Variants in EFEMP1 observed in about 807,000 individuals in gnomAD.
EFEMP1 encodes the protein EGF-like fibulin extracellular matrix protein 1.
A neutral mutation model predicts 65.7 loss-of-function variants in EFEMP1; 18 were observed. The observed-to-expected ratio is 0.27, with a 90% CI of 0.19 to 0.41. The LOEUF is 0.41. Ranked by LOEUF, EFEMP1 falls within the 10% of genes least tolerant of loss-of-function variation. The pLI is 1.00. For missense variants in EFEMP1, 469 were observed against 624.8 expected (o/e 0.75, Z 2.66); for synonymous variants, 237 against 219.7 (o/e 1.08, Z -0.70).
At chr2:55,887,050 A>G (rs1669447136) in intron 5 of EFEMP1, among the ~76,000 whole-genome samples, 1 of 152,182 alleles carries the variant, frequency 6.6e-6, no homozygotes, top group Non-Finnish European at 1.5e-5. Context: ...AAAAAGATCT[A>G]TTATTTGATT....
Position 55,877,982 on chromosome 2 carries a change from A to G in EFEMP1, c.641-117T>C. 1 of 1,321,274 alleles carries G rather than the reference A, an allele frequency of 7.6e-7. No homozygotes were observed. 81.8% of individuals were successfully genotyped at this position (1,321,274 alleles called of 1,614,324 possible). On this transcript the variant is annotated intron_variant, in intron 6 of 11. Coordinates refer to ENST00000355426, the MANE Select transcript of EFEMP1 (RefSeq NM_001039348.3). The surrounding 1 kb of genome is among the most constrained non-coding windows in gnomAD (Gnocchi z 4.5). ...CTCTTTTTAAAAGTAATAATTTCCT[A>G]TTTTGTTAAAATTAGGGTATATGTA... is the stretch of plus-strand genomic sequence containing the variant.
chr2:55,898,562 C>G (rs1669917506), intron 5 of EFEMP1, among the ~76,000 whole-genome samples: 1 of 152,070 alleles, frequency 6.6e-6, no homozygotes. Context: ...GCCCTTACCA[C>G]TAATGCTCCC....
rs1669421621 is a variant in EFEMP1, at chr2:55,886,386, A to G, written c.518-4652T>C. On this transcript the variant is annotated intron_variant, in intron 5 of 11. Coordinates refer to ENST00000355426, the MANE Select transcript of EFEMP1 (RefSeq NM_001039348.3). The surrounding 1 kb of genome is among the most constrained non-coding windows in gnomAD (Gnocchi z 4.0). ...GTGTGGGGCACTGTGCATGCTTTGC[A>G]AATATTATTTAATGGTGCTATCCTG... 6.6e-6 allele frequency among the ~76,000 whole-genome samples: 1 copy of G among 152,188 alleles called. No individual in the cohort carries two copies. The highest frequency in any genetic ancestry group is 2.4e-5 in the African/African-American group (1 of 41,454).
intron 5 of EFEMP1, among the ~76,000 whole-genome samples, chr2:55,882,743 T>C (rs1669289515): frequency 6.6e-6 from 1 of 152,112 alleles, no homozygotes; most frequent in Non-Finnish European, 1.5e-5. Flanking sequence ...AAACTTGTGA[T>C]TCCTAGATGA....
chr2:55,875,371 TA>T (rs1212548114), intron 8 of EFEMP1, among the ~76,000 whole-genome samples: 1 of 123,474 alleles, frequency 8.1e-6, no homozygotes, highest in Admixed American at 7.4e-5. Context: ...CACACATATA[TA>T]TTTTTTTTGT....
intron 5 of EFEMP1, among the ~76,000 whole-genome samples, chr2:55,892,233 A>G (rs1439321266): frequency 6.6e-6 from 1 of 152,290 alleles, no homozygotes; most frequent in Non-Finnish European, 1.5e-5. Flanking sequence ...GGACAGAAAT[A>G]AGTTTCTCAG....
rs1408096072 is a variant in EFEMP1, at chr2:55,922,135, G to A, written c.81+225C>T. The A allele has an allele frequency of 3.9e-6, 2 of 511,280 alleles. No individual in the cohort carries two copies. Among genetic ancestry groups the A allele is most frequent in the Non-Finnish European group, 7.2e-6 (2 of 279,436 alleles). The allele number at this position is 511,280 out of a possible 1,614,324, so 31.7% of individuals were successfully genotyped here. A position where few individuals can be genotyped will look rare whatever the true frequency, so the allele number is the denominator to read the frequency against. On this transcript the variant is annotated intron_variant, in intron 3 of 11. Coordinates refer to ENST00000355426, the MANE Select transcript of EFEMP1 (RefSeq NM_001039348.3). This position sits in a 1 kb window ranked among gnomAD's most constrained non-coding sequence, Gnocchi z 5.5. ...ATCCCATTTTTAGCCCTGCACAAATGATTACATGTTGGTTCCTATCTTAGG... is the reference window on the plus strand; with the variant it reads ...ATCCCATTTTTAGCCCTGCACAAATAATTACATGTTGGTTCCTATCTTAGG...
At chr2:55,916,394 G>T (rs1380046100) in intron 5 of EFEMP1, among the ~76,000 whole-genome samples, 1 of 152,234 alleles carries the variant, frequency 6.6e-6, no homozygotes, top group African/African-American at 2.4e-5. Flanking sequence ...ACAGGCGTGA[G>T]CCACCGTGCC....
At chr2:55,911,592 G>A (rs1043790601) in intron 5 of EFEMP1, among the ~76,000 whole-genome samples, 1 of 152,024 alleles carries the variant, frequency 6.6e-6, no homozygotes, top group East Asian at 1.9e-4. Flanking sequence ...TGCTGGTGCT[G>A]GCCCCAGAGT....
intron 5 of EFEMP1, among the ~76,000 whole-genome samples, chr2:55,887,960 C>G (rs1572808652): frequency 6.6e-6 from 1 of 152,318 alleles, no homozygotes; most frequent in East Asian, 1.9e-4. Context: ...ATGGACCCCC[C>G]TCACGTAGCT....
rs2104369172 is a variant in EFEMP1 at position 55,870,842 on chromosome 2, T to C, written c.1198A>G (p.Ile400Val). The change falls in exon 11 of 12, where the codon ATC becomes GTC. Residue 400 changes from isoleucine (I) to valine (V), a missense_variant. Ile to Val is a conservative substitution (Grantham distance 29, BLOSUM62 3). Around this residue, in one of 3 missense-constraint regions of EFEMP1, gnomAD observed 399 missense variants for 528.2 expected, o/e 0.76. Transcript: ENST00000355426. This position sits in a 1 kb window ranked among gnomAD's most constrained non-coding sequence, Gnocchi z 5.8. ...GATGGCACAGACCTATCAGATCGGA[T>C]GCTCATGTATTTGTAGACTATTGAC... ...PQSIVYKYMS[I>V]RSDRSVPSDI... The C allele has an allele frequency of 6.2e-7, 1 of 1,613,864 alleles. No homozygotes were observed. Among genetic ancestry groups the C allele is most frequent in the Non-Finnish European group, 8.5e-7 (1 of 1,179,862 alleles).
At chr2:55,889,275 A>G (rs1219245768) in intron 5 of EFEMP1, among the ~76,000 whole-genome samples, 1 of 152,238 alleles carries the variant, frequency 6.6e-6, no homozygotes, top group African/African-American at 2.4e-5. Context: ...TTCAACAATA[A>G]GCAGCTTTTG....
Position 55,871,838 on chromosome 2 carries a change from A to C in EFEMP1, c.1001-715T>G, listed in dbSNP as rs1177504789. On this transcript the variant is annotated intron_variant, in intron 9 of 11. Transcript: ENST00000355426. This position sits in a 1 kb window ranked among gnomAD's most constrained non-coding sequence, Gnocchi z 4.2. ...AACTATGAAGTGTTCCACCTCATAG[A>C]GCATAGCAATTTTAGGACTGTAAGG... 6.6e-6 allele frequency among the ~76,000 whole-genome samples: 1 copy of C among 152,074 alleles called. No homozygotes were observed. Among genetic ancestry groups the C allele is most frequent in the African/African-American group, 2.4e-5 (1 of 41,424 alleles).
chr2:55,869,165 G>A (rs558802484), intron 11 of EFEMP1, among the ~76,000 whole-genome samples: 1 of 152,132 alleles, frequency 6.6e-6, no homozygotes, highest in African/African-American at 2.4e-5. Context: ...AACTGTAAAA[G>A]TGCCATGTTT....
Position 55,866,971 on chromosome 2 carries a change from A to C in EFEMP1, c.*102T>G. ...TGAATTATGGGTGAGTGTACAGTAT[A>C]GAGATGTAGATGCACTAGATATATC... On this transcript the variant is annotated 3_prime_UTR_variant, in exon 12 of 12. Coordinates refer to ENST00000355426, the MANE Select transcript of EFEMP1 (RefSeq NM_001039348.3). 15 of 1,414,732 alleles carry C rather than the reference A, an allele frequency of 1.1e-5. No homozygotes were observed. The highest frequency in any genetic ancestry group is 1.3e-5 in the Non-Finnish European group (13 of 1,007,232). The allele number at this position is 1,414,732 out of a possible 1,614,324, so 87.6% of individuals were successfully genotyped here.
intron 5 of EFEMP1, among the ~76,000 whole-genome samples, chr2:55,887,524 A>T (rs112711454): frequency 7.2e-5 from 11 of 152,196 alleles, no homozygotes; most frequent in African/African-American, 2.7e-4. Context: ...AATCAGATTT[A>T]TCTGGGCCAA....
At chr2:55,888,576 A>T (rs1300883887) in intron 5 of EFEMP1, among the ~76,000 whole-genome samples, 1 of 151,988 alleles carries the variant, frequency 6.6e-6, no homozygotes, top group African/African-American at 2.4e-5. Context: ...TGACCTTGTG[A>T]TTCACCCACC....
chr2:55,882,771 C>G, intron 5 of EFEMP1, among the ~76,000 whole-genome samples: 1 of 152,046 alleles, frequency 6.6e-6, no homozygotes, highest in South Asian at 2.1e-4. Flanking sequence ...TGTATAAAAA[C>G]CAAAATACTA....
chr2:55,871,077 C>T lies in EFEMP1; in HGVS notation c.1047G>A (p.Met349Ile), dbSNP rs1181963582. Residue 349 changes from methionine to isoleucine, a missense_variant, in exon 10 of 12, where the codon ATG becomes ATA. Physicochemically the swap from Met to Ile is conservative, Grantham distance 10 (BLOSUM62 1). Around this residue, in one of 3 missense-constraint regions of EFEMP1, gnomAD observed 399 missense variants for 528.2 expected, o/e 0.76. Transcript: ENST00000355426. This position sits in a 1 kb window ranked among gnomAD's most constrained non-coding sequence, Gnocchi z 4.2. ...ETTNECREDE[M>I]CWNYHGGFRC... ...GGAAGCCGCCATGATAATTCCAACA[C>T]ATTTCATCCTCCCGGCATTCATTTG... 4 of 1,613,612 alleles carry T rather than the reference C, an allele frequency of 2.5e-6. No homozygotes were observed. Among genetic ancestry groups the T allele is most frequent in the Non-Finnish European group, 3.4e-6 (4 of 1,179,770 alleles).
Sources: gnomAD v4.1 joint callset for allele counts (sites outside exome capture counted in the v4.1 genomes callset) on GRCh38, gnomAD v4.1.1 for gene constraint, gnomAD v4.1.1 regional missense constraint, Gnocchi (gnomAD v3.1) non-coding constraint, MANE v1.5 for transcripts, NCBI Gene and HGNC (gene_info 2026-07-23, HGNC 2026-07-21) for gene names.